The following SH3PXD2A variants were observed in gnomAD, a reference collection of about 807,000 sequenced individuals.
SH3PXD2A encodes the protein SH3 and PX domain-containing protein 2A.
SH3PXD2A carries 32 observed loss-of-function variants against 115.2 expected under a neutral mutation model. The ratio of observed to expected loss-of-function variants is 0.28; its 90% CI spans 0.21 to 0.37. SH3PXD2A has a LOEUF of 0.37. Ranked by LOEUF, SH3PXD2A falls within the 10% of genes least tolerant of loss-of-function variation. The pLI, the probability that SH3PXD2A is intolerant of heterozygous loss-of-function variation, is 1.00. For missense variants in SH3PXD2A, 1,328 were observed against 1,498.7 expected (o/e 0.89, Z 1.88); for synonymous variants, 610 against 629.1 (o/e 0.97, Z 0.45).
At chr10:103,805,038 G>A (rs2039187566) in intron 1 of SH3PXD2A, among the ~76,000 whole-genome samples, 1 of 152,210 alleles carries the variant, frequency 6.6e-6, no homozygotes, top group African/African-American at 2.4e-5. Context: ...CCCCTGGAGA[G>A]AGGGCTGCAT....
At chr10:103,640,947 T>G (rs2036946329) in intron 8 of SH3PXD2A, among the ~76,000 whole-genome samples, 1 of 151,918 alleles carries the variant, frequency 6.6e-6, no homozygotes, top group African/African-American at 2.4e-5. Context: ...GATCCACAGC[T>G]CGAGGGCTGG....
chr10:103,660,005 C>T (rs901474868), intron 8 of SH3PXD2A, among the ~76,000 whole-genome samples: 3 of 152,182 alleles, frequency 2.0e-5, no homozygotes, highest in South Asian at 4.1e-4. Flanking sequence ...CTTTGCCTTT[C>T]CTTTCCGGGT....
intron 3 of SH3PXD2A, among the ~76,000 whole-genome samples, chr10:103,750,342 C>T (rs551074036): frequency 3.7e-4 from 57 of 152,304 alleles, no homozygotes; most frequent in Middle Eastern, 3.4e-3. Context: ...TATGAGCCAC[C>T]GTGCCTGGCC....
chr10:103,789,672 G>T (rs1175972425), intron 2 of SH3PXD2A, among the ~76,000 whole-genome samples: 1 of 152,208 alleles, frequency 6.6e-6, no homozygotes, highest in East Asian at 1.9e-4. Flanking sequence ...TCCAAAGAGG[G>T]GTAAGATGAA....
At chr10:103,661,976 G>A (rs994672418) in intron 7 of SH3PXD2A, 6 of 985,186 alleles carry the variant, frequency 6.1e-6, no homozygotes, top group Middle Eastern at 5.2e-4. Flanking sequence ...CTGCCACCGA[G>A]CCCAGGCCGG....
rs916311492 is a variant in SH3PXD2A, at chr10:103,613,559, A to AGAT, written c.921-372_921-370dup. On this transcript the variant is annotated intron_variant, in intron 11 of 14. Transcript: ENST00000369774. ...CCCAGTCAGTTGAGGATAATTAGAGAGATAAGAAGAAGGTGTGGATGTGGT... is the reference window on the plus strand; with the variant it reads ...CCCAGTCAGTTGAGGATAATTAGAGAGATGATAAGAAGAAGGTGTGGATGTGGT... Among the ~76,000 whole-genome samples the AGAT allele has an allele frequency of 5.1e-4, 77 of 152,280 alleles. 1 individual carries two copies. Among genetic ancestry groups the AGAT allele is most frequent in the African/African-American group, 1.8e-3 (73 of 41,546 alleles).
At chr10:103,783,912 G>A (rs922825744) in intron 2 of SH3PXD2A, among the ~76,000 whole-genome samples, 1 of 152,256 alleles carries the variant, frequency 6.6e-6, no homozygotes, top group Non-Finnish European at 1.5e-5. Context: ...GTGCTTCCCA[G>A]GCTCTGCTGC....
chr10:103,613,267 T>TG (rs2036456458), intron 11 of SH3PXD2A, 77 bp from the exon 12 acceptor site: 1 of 1,193,106 alleles, frequency 8.4e-7, no homozygotes, highest in Admixed American at 2.4e-5. Context: ...AGGATCCATC[T>TG]GGCCTTGCCC....
At chr10:103,771,235 A>C (rs2038815851) in intron 2 of SH3PXD2A, among the ~76,000 whole-genome samples, 1 of 152,172 alleles carries the variant, frequency 6.6e-6, no homozygotes, top group African/African-American at 2.4e-5. Flanking sequence ...AGGCTACCAA[A>C]ACTTGACATT....
At chr10:103,803,113 T>G (rs2039163427) in intron 1 of SH3PXD2A, among the ~76,000 whole-genome samples, 1 of 152,202 alleles carries the variant, frequency 6.6e-6, no homozygotes, top group African/African-American at 2.4e-5. Flanking sequence ...CTCTTCTCCC[T>G]TCCTATCTCT....
Position 103,601,626 on chromosome 10 carries a change from A to C in SH3PXD2A, c.*190T>G. 6 of 557,100 alleles carry C rather than the reference A, an allele frequency of 1.1e-5. No individual in the cohort carries two copies. Among genetic ancestry groups the C allele is most frequent in the Non-Finnish European group, 9.7e-6 (3 of 310,860 alleles). 34.5% of individuals were successfully genotyped at this position (557,100 alleles called of 1,614,324 possible). ...TTCCTCACTCAGTGTGGGCACCCCCATCCCCTACCTTCCAGCTGTGGGATG... is the reference window on the plus strand; with the variant it reads ...TTCCTCACTCAGTGTGGGCACCCCCCTCCCCTACCTTCCAGCTGTGGGATG... On this transcript the variant is annotated 3_prime_UTR_variant, in exon 15 of 15. Coordinates refer to ENST00000369774, the MANE Select transcript of SH3PXD2A (RefSeq NM_001394015.1).
rs1044163096 is a variant in SH3PXD2A at position 103,617,126 on chromosome 10, G to A, written c.920+71C>T. 3 of 1,057,844 alleles carry A rather than the reference G, an allele frequency of 2.8e-6. No individual in the cohort carries two copies. The African/African-American group carries it at 4.7e-5, about 16-fold the overall frequency. The allele number at this position is 1,057,844 out of a possible 1,614,324, so 65.5% of individuals were successfully genotyped here. A position where few individuals can be genotyped will look rare whatever the true frequency, so the allele number is the denominator to read the frequency against. On this transcript the variant is annotated intron_variant, in intron 11 of 14. Coordinates refer to ENST00000369774, the MANE Select transcript of SH3PXD2A (RefSeq NM_001394015.1). ...TATCTACCTGCCATCAGGTGGCCAT[G>A]GCCACTTTGCACTCTGCCCAGGGCC...
At chr10:103,786,313 C>T (rs553296058) in intron 2 of SH3PXD2A, among the ~76,000 whole-genome samples, 3 of 152,306 alleles carry the variant, frequency 2.0e-5, no homozygotes, top group East Asian at 3.9e-4. Context: ...CCTCCACCTA[C>T]CTGTGGTGAG....
chr10:103,760,440 C>T (rs376226448), intron 3 of SH3PXD2A, among the ~76,000 whole-genome samples: 34 of 152,102 alleles, frequency 2.2e-4, no homozygotes, highest in African/African-American at 6.3e-4. Context: ...CATGGTGGCA[C>T]GCAACTGTAG....
chr10:103,853,413 T>C (rs2134334464), intron 1 of SH3PXD2A, among the ~76,000 whole-genome samples: 1 of 152,354 alleles, frequency 6.6e-6, no homozygotes. Flanking sequence ...GATGATCTCA[T>C]TTAATTCTCC....
chr10:103,715,986 A>G (rs890111530), intron 5 of SH3PXD2A, among the ~76,000 whole-genome samples: 3 of 152,180 alleles, frequency 2.0e-5, no homozygotes, highest in Admixed American at 2.0e-4. Flanking sequence ...CAATTTTACC[A>G]TGCAGTCCAA....
intron 5 of SH3PXD2A, among the ~76,000 whole-genome samples, chr10:103,705,646 T>C (rs536951479): frequency 1.0e-3 from 156 of 152,214 alleles, no homozygotes; most frequent in African/African-American, 3.7e-3. Flanking sequence ...CCTGGCTCAG[T>C]CTAGTGCTCA....
Position 103,784,999 on chromosome 10 carries a change from A to G in SH3PXD2A, c.153+16283T>C, listed in dbSNP as rs1564888506. 6.6e-6 allele frequency among the ~76,000 whole-genome samples: 1 copy of G among 152,182 alleles called. No homozygotes were observed. Among genetic ancestry groups the G allele is most frequent in the Non-Finnish European group, 1.5e-5 (1 of 68,028 alleles). ...CCTCAGCCCCACTCTGAACACCAAC[A>G]CTTGCCCTTAGCAGGTGCTCAACAA... is the stretch of plus-strand genomic sequence containing the variant. On this transcript the variant is annotated intron_variant, in intron 2 of 14. Coordinates refer to ENST00000369774, the MANE Select transcript of SH3PXD2A (RefSeq NM_001394015.1). The surrounding 1 kb of genome is among the most constrained non-coding windows in gnomAD (Gnocchi z 4.4).
chr10:103,840,514 C>T (rs1385030337), intron 1 of SH3PXD2A, among the ~76,000 whole-genome samples: 1 of 152,210 alleles, frequency 6.6e-6, no homozygotes, highest in Non-Finnish European at 1.5e-5. Flanking sequence ...CTTGTTAACA[C>T]CTAATGACAA....
Sources: allele counts gnomAD v4.1 joint callset (sites outside exome capture counted in the v4.1 genomes callset), GRCh38; gene constraint gnomAD v4.1.1; non-coding constraint Gnocchi (gnomAD v3.1); transcripts MANE v1.5; gene names NCBI Gene and HGNC (gene_info 2026-07-23, HGNC 2026-07-21).